The following COL21A1 variants were observed in gnomAD, a reference collection of about 807,000 sequenced individuals.
COL21A1 encodes collagen type XXI alpha 1 chain.
Under a neutral mutation model 137.9 loss-of-function variants are expected in COL21A1, and 149 were observed. That is an observed-to-expected ratio of 1.08 (90% CI 0.95 to 1.24). The LOEUF (loss-of-function observed/expected upper bound fraction) is 1.24. Among genes scored for constraint, COL21A1 ranks in the 50% most tolerant of loss-of-function variants. The pLI is 0.00. For missense variants in COL21A1, 1,167 were observed against 1,158.4 expected, an observed-to-expected ratio of 1.01 and a Z score of -0.11; for synonymous variants, 456 against 391.5, an observed-to-expected ratio of 1.16 and a Z score of -1.95.
At chr6:56,067,408 C>G in intron 22 of COL21A1, 78 bp from the exon 23 acceptor site, 1 of 1,350,290 alleles carries the variant, frequency 7.4e-7, no homozygotes, top group Non-Finnish European at 1.0e-6. Context: ...TTTTTCTCTG[C>G]TGAAGAAAAA....
At chr6:56,064,213 A>G (rs1766044684) in intron 24 of COL21A1, among the ~76,000 whole-genome samples, 1 of 152,098 alleles carries the variant, frequency 6.6e-6, no homozygotes, top group South Asian at 2.1e-4. Flanking sequence ...CTGATTTTCA[A>G]GAAGAAAAGC....
chr6:56,272,288 G>A (rs1489914894), intron 1 of COL21A1, among the ~76,000 whole-genome samples: 4 of 152,194 alleles, frequency 2.6e-5, no homozygotes, highest in African/African-American at 9.7e-5. Context: ...AGATTATTTT[G>A]GAGCTTTAAG....
chr6:56,091,106 T>C (rs564780470), intron 17 of COL21A1, among the ~76,000 whole-genome samples: 24 of 152,200 alleles, frequency 1.6e-4, no homozygotes, highest in Non-Finnish European at 2.2e-4. Flanking sequence ...ACAAAGTAGA[T>C]TGGTAATTCC....
At chr6:56,329,708 T>A (rs1765176638) in intron 1 of COL21A1, among the ~76,000 whole-genome samples, 1 of 152,050 alleles carries the variant, frequency 6.6e-6, no homozygotes, top group African/African-American at 2.4e-5. Context: ...GGCATCAAAC[T>A]GTCAGAGAAG....
At chr6:56,077,758 G>T (rs965845680) in intron 17 of COL21A1, 185 bp from the exon 18 acceptor site, 5 of 517,302 alleles carry the variant, frequency 9.7e-6, no homozygotes, top group Non-Finnish European at 1.0e-5. Flanking sequence ...AGCATTATAT[G>T]AATATTACTG....
chr6:56,176,691 G>C (rs11970688), intron 3 of COL21A1, among the ~76,000 whole-genome samples: 84,573 of 149,060 alleles, frequency 0.57, 24,358 homozygotes, highest in East Asian at 0.79. Context: ...GAAGGAAGGA[G>C]GGAGGTTTCA....
chr6:56,359,757 T>G (rs770789567), intron 1 of COL21A1, among the ~76,000 whole-genome samples: 3 of 152,184 alleles, frequency 2.0e-5, no homozygotes, highest in Non-Finnish European at 2.9e-5. Context: ...CTCAGTGGTT[T>G]TGGCAGAGAG....
chr6:56,057,928 GA>G (rs555496174), intron 29 of COL21A1, 84 bp from the exon 30 acceptor site: 720 of 809,652 alleles, frequency 8.9e-4, no homozygotes, highest in South Asian at 1.8e-3. Flanking sequence ...AACTTAAACT[GA>G]AAAAAAAAAC....
chr6:56,361,680 G>A (rs1212516847), intron 1 of COL21A1, among the ~76,000 whole-genome samples: 4 of 146,240 alleles, frequency 2.7e-5, no homozygotes, highest in Admixed American at 7.3e-5. Flanking sequence ...AATTAGGAAC[G>A]AAAGATCCAA....
chr6:56,251,131 A>G (rs541704024), upstream of COL21A1, among the ~76,000 whole-genome samples: 174 of 152,304 alleles, frequency 1.1e-3, 1 homozygote, highest in African/African-American at 4.1e-3. Context: ...ATGCTGTTAC[A>G]TAAAGATTGG....
At chr6:56,064,152 T>C (rs1766040051) in intron 24 of COL21A1, among the ~76,000 whole-genome samples, 1 of 152,072 alleles carries the variant, frequency 6.6e-6, no homozygotes, top group South Asian at 2.1e-4. Flanking sequence ...ATTGTCTCTC[T>C]GAACAAACTA....
At chr6:56,325,536 A>AT (rs540773339) in intron 1 of COL21A1, among the ~76,000 whole-genome samples, 254 of 888 alleles carry the variant, frequency 0.29, 93 homozygotes, top group African/African-American at 0.34. Flanking sequence ...TATTATATAT[A>AT]AATATATAAT....
chr6:56,220,238 C>G (rs1318376492), intron 1 of COL21A1, among the ~76,000 whole-genome samples: 1 of 152,002 alleles, frequency 6.6e-6, no homozygotes. Flanking sequence ...GGCAGGCCAG[C>G]CAGGACTTGT....
chr6:56,176,326 A>G (rs1374672924), intron 3 of COL21A1, among the ~76,000 whole-genome samples: 4 of 152,102 alleles, frequency 2.6e-5, no homozygotes, highest in Non-Finnish European at 5.9e-5. Flanking sequence ...AAAACTCTGT[A>G]AAAAGACAAT....
chr6:56,237,380 G>T (rs1266338201), intron 1 of COL21A1, among the ~76,000 whole-genome samples: 2 of 152,108 alleles, frequency 1.3e-5, no homozygotes, highest in African/African-American at 2.4e-5. Flanking sequence ...TTAACTTTAT[G>T]ATAAATGCTA....
chr6:56,107,125 T>C (rs1290171013), intron 16 of COL21A1, among the ~76,000 whole-genome samples: 1 of 152,116 alleles, frequency 6.6e-6, no homozygotes, highest in African/African-American at 2.4e-5. Flanking sequence ...AATAAAAATG[T>C]ATAAAAGGAA....
intron 1 of COL21A1, among the ~76,000 whole-genome samples, chr6:56,358,864 A>G (rs144146511): frequency 6.6e-6 from 1 of 152,302 alleles, no homozygotes; most frequent in East Asian, 1.9e-4. Flanking sequence ...AAATAGAGCT[A>G]TAGGAATATG....
At chr6:56,163,642 G>A (rs1005263489) in intron 9 of COL21A1, among the ~76,000 whole-genome samples, 2 of 151,880 alleles carry the variant, frequency 1.3e-5, no homozygotes, top group African/African-American at 4.8e-5. Flanking sequence ...CCGGGAGGCG[G>A]AGCTTGCAGT....
chr6:56,155,191 G>A (rs1401637518), intron 10 of COL21A1, among the ~76,000 whole-genome samples: 3 of 152,116 alleles, frequency 2.0e-5, no homozygotes, highest in Non-Finnish European at 4.4e-5. Flanking sequence ...GTGTTAGTTT[G>A]CTAAGGATAA....
Sources: allele counts gnomAD v4.1 joint callset (sites outside exome capture counted in the v4.1 genomes callset), GRCh38; gene constraint gnomAD v4.1.1; transcripts MANE v1.5; gene names NCBI Gene and HGNC (gene_info 2026-07-23, HGNC 2026-07-21).